GRID2: variants seen among roughly 807,000 people sequenced by gnomAD.
GRID2 encodes the protein glutamate ionotropic receptor delta type subunit 2.
In GRID2, 33 loss-of-function variants were observed where a neutral mutation model predicts 114.8. The ratio of observed to expected loss-of-function variants is 0.29; its 90% CI spans 0.22 to 0.38. GRID2 has a LOEUF of 0.38. GRID2 is among the 10% of genes least tolerant of loss of function. GRID2 has a pLI of 1.00. For synonymous variants in GRID2, 505 were observed against 449.9 expected, an observed-to-expected ratio of 1.12 and a Z score of -1.55; for missense variants, 1,184 against 1,257.7, an observed-to-expected ratio of 0.94 and a Z score of 0.89.
chr4:93,171,466 C>G (rs1417232756), intron 4 of GRID2, among the ~76,000 whole-genome samples: 1 of 152,180 alleles, frequency 6.6e-6, no homozygotes, highest in Non-Finnish European at 1.5e-5. Context: ...AGAAATTATC[C>G]TCATCTAACA....
At chr4:93,534,897 T>A (rs1731877307) in intron 13 of GRID2, among the ~76,000 whole-genome samples, 2 of 151,432 alleles carry the variant, frequency 1.3e-5, no homozygotes, top group Admixed American at 6.6e-5. Context: ...CTGAGCAAAT[T>A]TCTAGTATAC....
At chr4:92,930,972 C>T (rs1750187659) in intron 2 of GRID2, among the ~76,000 whole-genome samples, 1 of 150,892 alleles carries the variant, frequency 6.6e-6, no homozygotes, top group Non-Finnish European at 1.5e-5. Flanking sequence ...AGCAACATTA[C>T]ACACTCAGAA....
At chr4:92,704,764 TGCCCCTCC>T (rs1734877102) in intron 2 of GRID2, among the ~76,000 whole-genome samples, 2 of 113,164 alleles carry the variant, frequency 1.8e-5, no homozygotes, top group African/African-American at 6.6e-5. Context: ...TCTCCCTCTC[TGCCCCTCC>T]CTCCCTCCCT....
chr4:93,120,447 G>A lies in GRID2; in HGVS notation c.735+9494G>A, dbSNP rs150812724. The stretch of plus-strand genomic sequence containing the variant: ...AGAATGAATTCATGCCCTTTGCAGC[G>A]AGATGGATGAAACCAGAAACCATCA... On this transcript the variant is annotated intron_variant, in intron 4 of 15. Transcript: ENST00000282020. 3.6e-3 allele frequency among the ~76,000 whole-genome samples: 555 copies of A among 152,186 alleles called. 1 individual carries two copies. Among genetic ancestry groups the A allele is most frequent in the African/African-American group, 0.012 (480 of 41,532 alleles).
intron 1 of GRID2, among the ~76,000 whole-genome samples, chr4:92,305,707 G>A (rs1480498328): frequency 6.6e-6 from 1 of 152,160 alleles, no homozygotes; most frequent in Non-Finnish European, 1.5e-5. Flanking sequence ...GGGCGGGCGG[G>A]GGGCTGCGCG....
At chr4:93,727,399 T>A (rs1171318208) in intron 14 of GRID2, among the ~76,000 whole-genome samples, 2 of 152,240 alleles carry the variant, frequency 1.3e-5, no homozygotes, top group East Asian at 3.9e-4. Flanking sequence ...AGTATTTTAT[T>A]GAGGATTTTT....
At chr4:92,754,832 A>G (rs1737631083) in intron 2 of GRID2, among the ~76,000 whole-genome samples, 1 of 152,160 alleles carries the variant, frequency 6.6e-6, no homozygotes, top group Non-Finnish European at 1.5e-5. Flanking sequence ...ATTGGCTATG[A>G]TTATTTTCCA....
At chr4:92,914,310 G>A (rs371063063) in intron 2 of GRID2, among the ~76,000 whole-genome samples, 35 of 152,126 alleles carry the variant, frequency 2.3e-4, no homozygotes, top group Middle Eastern at 3.4e-3. Flanking sequence ...GCTATATGCA[G>A]ACTTTATAAA....
At chr4:92,616,326 T>A (rs1246769718) in intron 2 of GRID2, among the ~76,000 whole-genome samples, 1 of 151,556 alleles carries the variant, frequency 6.6e-6, no homozygotes, top group Non-Finnish European at 1.5e-5. Context: ...CTCCTTTGTT[T>A]CTTGTAAAAC....
chr4:93,670,732 T>G (rs1295550151), intron 14 of GRID2, among the ~76,000 whole-genome samples: 1 of 152,240 alleles, frequency 6.6e-6, no homozygotes, highest in Admixed American at 6.5e-5. Flanking sequence ...AAAACAAATC[T>G]AGTTGTCTTT....
intron 1 of GRID2, among the ~76,000 whole-genome samples, chr4:92,569,445 A>G (rs1236590466): frequency 6.6e-6 from 1 of 151,998 alleles, no homozygotes. Flanking sequence ...ACGTGCATGT[A>G]TCTTTATAAT....
intron 14 of GRID2, among the ~76,000 whole-genome samples, chr4:93,755,871 T>C (rs376136710): frequency 4.9e-4 from 75 of 152,308 alleles, no homozygotes; most frequent in East Asian, 1.7e-3. Flanking sequence ...TTCAGTAGTT[T>C]AAATCTCTCT....
chr4:92,942,515 CTT>C (rs1312264585), intron 2 of GRID2, among the ~76,000 whole-genome samples: 1 of 152,136 alleles, frequency 6.6e-6, no homozygotes, highest in Non-Finnish European at 1.5e-5. Context: ...GGTCTTGACT[CTT>C]TATCCAATTT....
chr4:92,860,142 T>C (rs1406124731), intron 2 of GRID2, among the ~76,000 whole-genome samples: 1 of 152,050 alleles, frequency 6.6e-6, no homozygotes, highest in Non-Finnish European at 1.5e-5. Context: ...AATTTTTAAA[T>C]TGAAGATTAC....
At chr4:93,394,304 C>T (rs1047338540) in intron 8 of GRID2, among the ~76,000 whole-genome samples, 1 of 151,882 alleles carries the variant, frequency 6.6e-6, no homozygotes, top group Admixed American at 6.6e-5. Context: ...ATTTAATGTG[C>T]TTTTACAGTT....
chr4:93,564,467 GATA>G (rs1302488266), intron 13 of GRID2, among the ~76,000 whole-genome samples: 1 of 151,996 alleles, frequency 6.6e-6, no homozygotes, highest in Non-Finnish European at 1.5e-5. Context: ...AGTCAACTTA[GATA>G]TTTGTCAAAA....
intron 2 of GRID2, among the ~76,000 whole-genome samples, chr4:92,831,974 G>C (rs192071895): frequency 6.6e-6 from 1 of 152,172 alleles, no homozygotes; most frequent in East Asian, 1.9e-4. Flanking sequence ...TAATGATACA[G>C]TGCATAAAAG....
intron 2 of GRID2, among the ~76,000 whole-genome samples, chr4:92,807,429 CA>C (rs1167587086): frequency 2.7e-5 from 4 of 149,874 alleles, no homozygotes; most frequent in African/African-American, 9.8e-5. Flanking sequence ...ATGTGATGTG[CA>C]AAAAAAATGT....
chr4:93,636,568 G>A (rs879395912), intron 14 of GRID2, among the ~76,000 whole-genome samples: 3 of 151,784 alleles, frequency 2.0e-5, no homozygotes, highest in Non-Finnish European at 4.4e-5. Flanking sequence ...CAAACATAAC[G>A]TCAAGACACT....
Sources: gnomAD v4.1 joint callset for allele counts (sites outside exome capture counted in the v4.1 genomes callset) on GRCh38, gnomAD v4.1.1 for gene constraint, MANE v1.5 for transcripts, NCBI Gene and HGNC (gene_info 2026-07-23, HGNC 2026-07-21) for gene names.